Variants in LCP2 observed in about 807,000 individuals in gnomAD.
The protein encoded by LCP2 is lymphocyte cytosolic protein 2, also known as 76 kDa tyrosine phosphoprotein.
A neutral mutation model predicts 74.5 loss-of-function variants in LCP2; 29 were observed. The observed-to-expected ratio is 0.39, with a 90% CI of 0.29 to 0.53. The LOEUF (loss-of-function observed/expected upper bound fraction) is 0.53. Among genes scored for constraint, LCP2 ranks in the 20% least tolerant of loss-of-function variants. The probability of loss-of-function intolerance (pLI) is 0.72; values close to 1 mark genes in which losing one functional copy is unlikely to be tolerated. For synonymous variants in LCP2, 228 were observed against 229.5 expected (o/e 0.99, Z 0.06); for missense variants, 604 against 634.6 (o/e 0.95, Z 0.52).
intron 4 of LCP2, 156 bp from the exon 5 acceptor site, chr5:170,275,507 G>A: frequency 1.2e-6 from 1 of 807,156 alleles, no homozygotes; most frequent in Non-Finnish European, 2.0e-6. Context: ...ACTGGGGCTA[G>A]GATACCCTGA....
At chr5:170,275,626 G>C in intron 4 of LCP2, 169 bp downstream of exon 4, 1 of 671,912 alleles carries the variant, frequency 1.5e-6, no homozygotes. Context: ...ACAGGATGCA[G>C]AGCAGGGGAG....
chr5:170,251,753 C>T, intron 19 of LCP2: 1 of 434,898 alleles, frequency 2.3e-6, no homozygotes, highest in South Asian at 1.6e-5. Context: ...TGAAGACTCC[C>T]AGAGCTGACA....
intron 6 of LCP2, among the ~76,000 whole-genome samples, chr5:170,271,432 A>G (rs1199957167): frequency 6.6e-6 from 1 of 152,176 alleles, no homozygotes; most frequent in Non-Finnish European, 1.5e-5. Flanking sequence ...TGGAAGGCAG[A>G]TTAAGTTGTG....
chr5:170,268,554 T>G (rs1324623067), intron 7 of LCP2, 72 bp from the exon 8 acceptor site: 1 of 193,576 alleles, frequency 5.2e-6, no homozygotes, highest in Non-Finnish European at 1.2e-5. Context: ...GGAACAGATA[T>G]GCAGCTCGGG....
chr5:170,252,668 G>T, intron 18 of LCP2, 157 bp from the exon 19 acceptor site: 4 of 570,180 alleles, frequency 7.0e-6, no homozygotes, highest in Middle Eastern at 4.7e-4. Flanking sequence ...TCATTTAGCT[G>T]GGGCTAAATA....
intron 20 of LCP2, among the ~76,000 whole-genome samples, chr5:170,249,546 T>C (rs1272543361): frequency 1.3e-5 from 2 of 152,094 alleles, no homozygotes; most frequent in East Asian, 1.9e-4. Context: ...CAGTCATTAA[T>C]AGTGTTAGGA....
chr5:170,252,224 T>C, intron 19 of LCP2: 1 of 385,628 alleles, frequency 2.6e-6, no homozygotes, highest in Non-Finnish European at 4.7e-6. Flanking sequence ...GCCTTGAGAT[T>C]CTTCTGCCAG....
intron 13 of LCP2, 108 bp downstream of exon 13, chr5:170,262,527 C>T: frequency 1.3e-6 from 1 of 755,948 alleles, no homozygotes; most frequent in Admixed American, 2.8e-5. Flanking sequence ...AAAGGCCCAC[C>T]CTGCCCGGGA....
chr5:170,268,501 A>G lies in LCP2; in HGVS notation c.524-19T>C. ...GGCCGGTCTGTGGAAACACAAGGTT[A>G]TTAAAGTGAAAGGGGAGTATCGGCC... On this transcript the variant is annotated intron_variant, in intron 7 of 20. Transcript: ENST00000046794. 1 of 245,604 alleles carries G rather than the reference A, an allele frequency of 4.1e-6. No individual in the cohort carries two copies. The highest frequency in any genetic ancestry group is 8.8e-6 in the Non-Finnish European group (1 of 113,806). The allele number at this position is 245,604 out of a possible 1,614,324, so 15.2% of individuals were successfully genotyped here.
At chr5:170,254,826 A>G (rs2113154890) in intron 17 of LCP2, among the ~76,000 whole-genome samples, 3 of 152,168 alleles carry the variant, frequency 2.0e-5, no homozygotes, top group Middle Eastern at 6.8e-3. Flanking sequence ...TAATATCTAG[A>G]CTCTCAAGGG....
intron 2 of LCP2, among the ~76,000 whole-genome samples, chr5:170,292,058 G>C (rs904632068): frequency 6.6e-6 from 1 of 152,160 alleles, no homozygotes; most frequent in Non-Finnish European, 1.5e-5. Context: ...ATCTGCAAAT[G>C]AGGTAGTTGG....
chr5:170,265,884 A>G (rs1761745280), intron 10 of LCP2, among the ~76,000 whole-genome samples: 1 of 152,240 alleles, frequency 6.6e-6, no homozygotes. Context: ...TGTAGTTCAC[A>G]GCAAGTTAAA....
At chr5:170,276,900 AC>A (rs1202986989) in intron 3 of LCP2, among the ~76,000 whole-genome samples, 5 of 151,262 alleles carry the variant, frequency 3.3e-5, no homozygotes, top group African/African-American at 9.8e-5. Flanking sequence ...ACATGGTGAA[AC>A]CCCGTCTCTA....
chr5:170,261,042 C>T (rs1761640023), intron 14 of LCP2, 65 bp downstream of exon 14: 55 of 1,272,066 alleles, frequency 4.3e-5, no homozygotes, highest in Non-Finnish European at 6.3e-5. Flanking sequence ...GGAGTCCCAA[C>T]CTCCTAAGAG....
At chr5:170,290,948 AAAGAAAAG>A (rs1429377510) in intron 2 of LCP2, among the ~76,000 whole-genome samples, 2 of 94,650 alleles carry the variant, frequency 2.1e-5, no homozygotes, top group South Asian at 3.8e-4. Context: ...AGAAAGAAAG[AAAGAAAAG>A]AAAGAAAGAA....
chr5:170,259,485 G>A (rs1463965852), intron 14 of LCP2, among the ~76,000 whole-genome samples: 2 of 152,172 alleles, frequency 1.3e-5, no homozygotes, highest in East Asian at 3.9e-4. Context: ...AGACAAGGGA[G>A]GGGCTATTTT....
At position 170,256,222 on chromosome 5, in the gene LCP2, G is replaced by T. The variant is rs565832107; in HGVS notation, c.1150+304C>A. 2.0e-5 allele frequency among the ~76,000 whole-genome samples: 3 copies of T among 152,070 alleles called. No individual in the cohort carries two copies. The highest frequency in any genetic ancestry group is 4.4e-5 in the Non-Finnish European group (3 of 67,964). On this transcript the variant is annotated intron_variant, in intron 17 of 20. Coordinates refer to ENST00000046794, the MANE Select transcript of LCP2 (RefSeq NM_005565.5). The surrounding 1 kb of genome is among the most constrained non-coding windows in gnomAD (Gnocchi z 4.5). ...ATGTATTGTGTATGTGTATATATGTGTATACCTGTGTGCACATGTATATAT... is the reference window on the plus strand; with the variant it reads ...ATGTATTGTGTATGTGTATATATGTTTATACCTGTGTGCACATGTATATAT...
chr5:170,268,293 G>T, intron 8 of LCP2, 92 bp downstream of exon 8: 1 of 197,294 alleles, frequency 5.1e-6, no homozygotes, highest in Non-Finnish European at 1.0e-5. Context: ...ATTAGAATGA[G>T]ATAAAGATGT....
chr5:170,261,464 T>TATATAC (rs139178911), intron 13 of LCP2, among the ~76,000 whole-genome samples: 14 of 44,260 alleles, frequency 3.2e-4, no homozygotes, highest in African/African-American at 1.1e-3. Flanking sequence ...TATATGTATA[T>TATATAC]ACACACACAC....
Sources: gnomAD v4.1 joint callset for allele counts (sites outside exome capture counted in the v4.1 genomes callset) on GRCh38, gnomAD v4.1.1 for gene constraint, Gnocchi (gnomAD v3.1) non-coding constraint, MANE v1.5 for transcripts, NCBI Gene and HGNC (gene_info 2026-07-23, HGNC 2026-07-21) for gene names.